Variants in LRRTM4 observed in about 807,000 individuals in gnomAD.
LRRTM4 encodes leucine-rich repeat transmembrane neuronal protein 4.
A neutral mutation model predicts 47.6 loss-of-function variants in LRRTM4; 25 were observed. The ratio of observed to expected loss-of-function variants is 0.53; its 90% CI spans 0.38 to 0.73. LRRTM4 has a LOEUF of 0.73. Ranked by LOEUF, LRRTM4 falls within the 30% of genes least tolerant of loss-of-function variation. LRRTM4 has a pLI of 0.00. For synonymous variants in LRRTM4, 311 were observed against 269.5 expected, an observed-to-expected ratio of 1.15 and a Z score of -1.51; for missense variants, 638 against 713.4, an observed-to-expected ratio of 0.89 and a Z score of 1.20.
At chr2:77,057,318 G>A (rs1679641778) in intron 3 of LRRTM4, among the ~76,000 whole-genome samples, 1 of 152,080 alleles carries the variant, frequency 6.6e-6, no homozygotes, top group Non-Finnish European at 1.5e-5. Flanking sequence ...TAAAAAAACT[G>A]GAAAAGACTA....
At chr2:77,340,113 A>C (rs1334487956) in intron 3 of LRRTM4, among the ~76,000 whole-genome samples, 1 of 151,962 alleles carries the variant, frequency 6.6e-6, no homozygotes, top group Non-Finnish European at 1.5e-5. Flanking sequence ...TTCAAAAGGA[A>C]AGATTGCATG....
At chr2:77,397,762 G>T (rs1044940345) in intron 3 of LRRTM4, among the ~76,000 whole-genome samples, 3 of 151,830 alleles carry the variant, frequency 2.0e-5, no homozygotes, top group Non-Finnish European at 4.4e-5. Context: ...CCTCTTATCA[G>T]TAAATTTAAA....
At chr2:76,891,147 G>A (rs556164764) in intron 3 of LRRTM4, among the ~76,000 whole-genome samples, 7 of 151,784 alleles carry the variant, frequency 4.6e-5, no homozygotes, top group African/African-American at 7.2e-5. Context: ...AAAGAGAAAC[G>A]CAAAGCAAAA....
At chr2:77,241,483 T>C (rs1675266070) in intron 3 of LRRTM4, among the ~76,000 whole-genome samples, 1 of 152,038 alleles carries the variant, frequency 6.6e-6, no homozygotes, top group South Asian at 2.1e-4. Context: ...TGATTTCTAC[T>C]GATGGAAGCT....
chr2:77,433,688 T>C (rs1016313087), intron 3 of LRRTM4, among the ~76,000 whole-genome samples: 1 of 152,138 alleles, frequency 6.6e-6, no homozygotes, highest in African/African-American at 2.4e-5. Flanking sequence ...TAGCAGACAT[T>C]GAAAAACCAA....
At chr2:76,915,246 G>A (rs1202344410) in intron 3 of LRRTM4, among the ~76,000 whole-genome samples, 1 of 152,138 alleles carries the variant, frequency 6.6e-6, no homozygotes, top group East Asian at 1.9e-4. Flanking sequence ...AAGTCTGTGG[G>A]AGAGTATGTA....
chr2:77,161,528 C>G (rs1439831623), intron 3 of LRRTM4, among the ~76,000 whole-genome samples: 4 of 152,096 alleles, frequency 2.6e-5, no homozygotes, highest in East Asian at 3.9e-4. Context: ...TGGCAGCAGG[C>G]AAAAACCTGG....
At chr2:77,437,215 C>G (rs1675635693) in intron 3 of LRRTM4, among the ~76,000 whole-genome samples, 1 of 151,926 alleles carries the variant, frequency 6.6e-6, no homozygotes. Flanking sequence ...ATAAAGGAAT[C>G]AGAAATATCG....
At chr2:77,217,943 A>G (rs188698369) in intron 3 of LRRTM4, among the ~76,000 whole-genome samples, 173 of 152,248 alleles carry the variant, frequency 1.1e-3, no homozygotes, top group African/African-American at 3.9e-3. Flanking sequence ...GCACAGAAAA[A>G]GTTTCAATAA....
intron 3 of LRRTM4, among the ~76,000 whole-genome samples, chr2:77,179,124 A>C (rs1292491807): frequency 6.6e-6 from 1 of 152,204 alleles, no homozygotes; most frequent in Non-Finnish European, 1.5e-5. Context: ...TAGGACATGC[A>C]TCACTAAGGC....
intron 3 of LRRTM4, among the ~76,000 whole-genome samples, chr2:76,816,254 C>G (rs1670892710): frequency 1.3e-5 from 2 of 152,100 alleles, no homozygotes; most frequent in Admixed American, 1.3e-4. Flanking sequence ...GACCCTGTCT[C>G]ACAGGATGCA....
intron 3 of LRRTM4, among the ~76,000 whole-genome samples, chr2:77,257,494 G>A (rs1675802611): frequency 6.6e-6 from 1 of 151,980 alleles, no homozygotes; most frequent in Non-Finnish European, 1.5e-5. Flanking sequence ...AATAAAGCAG[G>A]CAGAGCACTT....
chr2:77,411,451 CTTTTT>C (rs138496739), intron 3 of LRRTM4, among the ~76,000 whole-genome samples: 7,156 of 115,578 alleles, frequency 0.062, 203 homozygotes, highest in East Asian at 0.21. Flanking sequence ...TCTCTTTCTT[CTTTTT>C]TTTTTTTTTT....
chr2:77,300,649 C>A (rs1022125936), intron 3 of LRRTM4, among the ~76,000 whole-genome samples: 1 of 152,144 alleles, frequency 6.6e-6, no homozygotes, highest in Non-Finnish European at 1.5e-5. Context: ...ATATAACATG[C>A]AAGCATATCT....
chr2:77,453,641 AT>A (rs1676352480), intron 3 of LRRTM4, among the ~76,000 whole-genome samples: 1 of 152,166 alleles, frequency 6.6e-6, no homozygotes, highest in Non-Finnish European at 1.5e-5. Flanking sequence ...TTTTCTTGAT[AT>A]AATATTTCTA....
At chr2:77,379,063 T>C (rs1036159371) in intron 3 of LRRTM4, among the ~76,000 whole-genome samples, 5 of 152,184 alleles carry the variant, frequency 3.3e-5, no homozygotes, top group Non-Finnish European at 5.9e-5. Flanking sequence ...TCTTTATATA[T>C]TTCAGAGATG....
At chr2:76,828,887 T>A (rs939188798) in intron 3 of LRRTM4, among the ~76,000 whole-genome samples, 2 of 151,962 alleles carry the variant, frequency 1.3e-5, no homozygotes, top group African/African-American at 4.8e-5. Flanking sequence ...TTTTCTTTAA[T>A]CTCTGATCCC....
intron 3 of LRRTM4, among the ~76,000 whole-genome samples, chr2:77,242,479 A>T (rs901016741): frequency 1.3e-5 from 2 of 152,130 alleles, no homozygotes; most frequent in African/African-American, 4.8e-5. Flanking sequence ...AACCACAAAA[A>T]ATCTTATTTT....
chr2:76,870,395 C>T (rs1158123576), intron 3 of LRRTM4, among the ~76,000 whole-genome samples: 1 of 152,094 alleles, frequency 6.6e-6, no homozygotes, highest in Non-Finnish European at 1.5e-5. Flanking sequence ...ATAGTCATAA[C>T]ACCCCAAATG....
Sources: gnomAD v4.1 joint callset for allele counts (sites outside exome capture counted in the v4.1 genomes callset) on GRCh38, gnomAD v4.1.1 for gene constraint, MANE v1.5 for transcripts, NCBI Gene and HGNC (gene_info 2026-07-23, HGNC 2026-07-21) for gene names.